The following PDE4D variants were observed in gnomAD, a reference collection of about 807,000 sequenced individuals.
The protein encoded by PDE4D is 3',5'-cyclic-AMP phosphodiesterase 4D.
A neutral mutation model predicts 87.4 loss-of-function variants in PDE4D; 24 were observed. That is an observed-to-expected ratio of 0.27 (90% CI 0.20 to 0.39). The LOEUF is 0.39. Among genes scored for constraint, PDE4D ranks in the 10% least tolerant of loss-of-function variants. The probability of loss-of-function intolerance (pLI) is 1.00; values close to 1 mark genes in which losing one functional copy is unlikely to be tolerated. For synonymous variants in PDE4D, 384 were observed against 383.2 expected, an observed-to-expected ratio of 1.00 and a Z score of -0.02; for missense variants, 714 against 1,041.0, an observed-to-expected ratio of 0.69 and a Z score of 4.32.
chr5:59,488,183 A>G (rs944888509), intron 1 of PDE4D, among the ~76,000 whole-genome samples: 1 of 146,478 alleles, frequency 6.8e-6, no homozygotes, highest in Non-Finnish European at 1.5e-5. Context: ...AAAAAAAAAA[A>G]AAAAATGTGT....
At chr5:59,789,058 T>G (rs1765493559) in intron 1 of PDE4D, among the ~76,000 whole-genome samples, 1 of 152,186 alleles carries the variant, frequency 6.6e-6, no homozygotes, top group Non-Finnish European at 1.5e-5. Flanking sequence ...TGGTTAGGAT[T>G]TGCCTGAAGT....
chr5:60,063,154 GAAGGAAAGAA>G (rs1771664241), intron 2 of PDE4D, among the ~76,000 whole-genome samples: 22 of 147,782 alleles, frequency 1.5e-4, no homozygotes, highest in South Asian at 1.1e-3. Flanking sequence ...AAGAAAGAAA[GAAGGAAAGAA>G]AGAAAGAAAA....
At chr5:59,715,401 C>T (rs1754867327) in intron 1 of PDE4D, among the ~76,000 whole-genome samples, 1 of 152,236 alleles carries the variant, frequency 6.6e-6, no homozygotes, top group Non-Finnish European at 1.5e-5. Flanking sequence ...CCCCCCTATG[C>T]CCGATGGGGC....
intron 3 of PDE4D, among the ~76,000 whole-genome samples, chr5:59,933,862 C>T (rs1029044690): frequency 2.0e-4 from 30 of 151,860 alleles, no homozygotes; most frequent in Non-Finnish European, 4.3e-4. Context: ...AATTAGTTAA[C>T]TTTTGGCTGG....
intron 6 of PDE4D, among the ~76,000 whole-genome samples, chr5:59,007,433 C>T (rs1482140849): frequency 6.7e-6 from 1 of 150,226 alleles, no homozygotes. Flanking sequence ...ACAGAATAGC[C>T]ACAGAAAACT....
intron 3 of PDE4D, among the ~76,000 whole-genome samples, chr5:59,930,681 G>C (rs1160938431): frequency 6.6e-6 from 1 of 152,172 alleles, no homozygotes; most frequent in African/African-American, 2.4e-5. Context: ...AGTGGTGTCT[G>C]TGCTAAGAAA....
intron 1 of PDE4D, among the ~76,000 whole-genome samples, chr5:60,440,341 A>C (rs1268025704): frequency 5.9e-5 from 9 of 152,018 alleles, no homozygotes; most frequent in Non-Finnish European, 1.2e-4. Flanking sequence ...TTTAGAATAC[A>C]AAAAAAATAA....
intron 1 of PDE4D, chr5:60,430,184 A>G (rs1744097358): frequency 1.9e-6 from 1 of 522,752 alleles, no homozygotes; most frequent in Non-Finnish European, 3.8e-6. Flanking sequence ...CCATGAATGC[A>G]CTTATGAATG....
chr5:59,203,584 CTT>C (rs1485647374), intron 2 of PDE4D, among the ~76,000 whole-genome samples: 1 of 151,956 alleles, frequency 6.6e-6, no homozygotes, highest in African/African-American at 2.4e-5. Context: ...ATGGAATCAA[CTT>C]AAGTGTCTAA....
At chr5:60,301,026 C>T (rs929692801) in intron 1 of PDE4D, among the ~76,000 whole-genome samples, 2 of 152,296 alleles carry the variant, frequency 1.3e-5, no homozygotes, top group South Asian at 4.1e-4. Context: ...GCCTAGGCCT[C>T]CCAAAATGCT....
At chr5:59,611,044 C>A (rs1245743233) in intron 1 of PDE4D, among the ~76,000 whole-genome samples, 2 of 152,082 alleles carry the variant, frequency 1.3e-5, no homozygotes, top group Non-Finnish European at 2.9e-5. Context: ...CGTACTGAAC[C>A]TTCAGGGTAG....
intron 1 of PDE4D, among the ~76,000 whole-genome samples, chr5:59,675,525 G>A (rs376814415): frequency 6.6e-6 from 1 of 152,140 alleles, no homozygotes; most frequent in African/African-American, 2.4e-5. Flanking sequence ...TCTGACCTGG[G>A]TTCAAATCCT....
At chr5:59,441,944 G>GA (rs1382217907) in intron 1 of PDE4D, among the ~76,000 whole-genome samples, 1 of 151,946 alleles carries the variant, frequency 6.6e-6, no homozygotes, top group Non-Finnish European at 1.5e-5. Flanking sequence ...GTTCAACTAG[G>GA]AAAAAACACA....
At chr5:59,670,472 C>T (rs1000236234) in intron 1 of PDE4D, among the ~76,000 whole-genome samples, 16 of 152,036 alleles carry the variant, frequency 1.1e-4, no homozygotes, top group African/African-American at 3.1e-4. Flanking sequence ...GTTTCACGTA[C>T]GAAAGCATTT....
chr5:60,175,424 T>C (rs1005490269), intron 2 of PDE4D, among the ~76,000 whole-genome samples: 5 of 152,142 alleles, frequency 3.3e-5, no homozygotes, highest in African/African-American at 7.2e-5. Context: ...ATATCACATG[T>C]TTATGTGTAT....
intron 1 of PDE4D, among the ~76,000 whole-genome samples, chr5:60,318,338 T>C (rs1328843043): frequency 6.6e-6 from 1 of 152,238 alleles, no homozygotes; most frequent in African/African-American, 2.4e-5. Flanking sequence ...ATTTGCTTGG[T>C]AGATCTTCCT....
intron 1 of PDE4D, among the ~76,000 whole-genome samples, chr5:59,644,454 C>G (rs1417153384): frequency 6.6e-6 from 1 of 152,142 alleles, no homozygotes; most frequent in African/African-American, 2.4e-5. Context: ...AGGAGCAAAT[C>G]TGGTATTACA....
intron 1 of PDE4D, among the ~76,000 whole-genome samples, chr5:59,405,097 A>C (rs34315041): frequency 6.6e-6 from 1 of 151,440 alleles, no homozygotes; most frequent in African/African-American, 2.4e-5. Flanking sequence ...ATTTTAAGAT[A>C]TTTTTCTATA....
chr5:59,291,706 C>T (rs1768041798), intron 1 of PDE4D, among the ~76,000 whole-genome samples: 1 of 148,268 alleles, frequency 6.7e-6, no homozygotes, highest in African/African-American at 2.5e-5. Context: ...TATGTATGCA[C>T]CAAAATTAAA....
Sources: gnomAD v4.1 joint callset for allele counts (sites outside exome capture counted in the v4.1 genomes callset) on GRCh38, gnomAD v4.1.1 for gene constraint, MANE v1.5 for transcripts, NCBI Gene and HGNC (gene_info 2026-07-23, HGNC 2026-07-21) for gene names.